PLCB1: variants seen among roughly 807,000 people sequenced by gnomAD.
PLCB1 encodes 1-phosphatidylinositol 4,5-bisphosphate phosphodiesterase beta-1.
PLCB1 carries 46 observed loss-of-function variants against 161.8 expected under a neutral mutation model. The ratio of observed to expected loss-of-function variants is 0.28; its 90% CI spans 0.22 to 0.36. The LOEUF (loss-of-function observed/expected upper bound fraction) is 0.36. Ranked by LOEUF, PLCB1 falls within the 10% of genes least tolerant of loss-of-function variation. The pLI is 1.00. For synonymous variants in PLCB1, 517 were observed against 503.7 expected, an observed-to-expected ratio of 1.03 and a Z score of -0.35; for missense variants, 1,016 against 1,472.5, an observed-to-expected ratio of 0.69 and a Z score of 5.07.
At chr20:8,622,694 T>C (rs1988218194) in intron 3 of PLCB1, among the ~76,000 whole-genome samples, 1 of 152,154 alleles carries the variant, frequency 6.6e-6, no homozygotes, top group South Asian at 2.1e-4. Flanking sequence ...CTTCCCTCCT[T>C]GTCTTACTTC....
chr20:8,724,189 A>AC (rs1568573991), intron 15 of PLCB1, among the ~76,000 whole-genome samples: 1 of 149,944 alleles, frequency 6.7e-6, no homozygotes, highest in Non-Finnish European at 1.5e-5. Flanking sequence ...AAAAAAAAAA[A>AC]CCTGCACGTG....
At chr20:8,867,253 A>G (rs1213088024) in intron 31 of PLCB1, among the ~76,000 whole-genome samples, 2 of 152,200 alleles carry the variant, frequency 1.3e-5, no homozygotes, top group African/African-American at 4.8e-5. Flanking sequence ...GGAGACTCTG[A>G]TCCAAGCTGA....
chr20:8,503,010 C>A (rs1983487821), intron 3 of PLCB1, among the ~76,000 whole-genome samples: 1 of 152,112 alleles, frequency 6.6e-6, no homozygotes, highest in South Asian at 2.1e-4. Flanking sequence ...AATATATGAT[C>A]CTTCCACTGA....
chr20:8,465,053 T>G (rs1267370103), intron 3 of PLCB1, among the ~76,000 whole-genome samples: 1 of 152,186 alleles, frequency 6.6e-6, no homozygotes, highest in East Asian at 1.9e-4. Context: ...CTGAAATGTG[T>G]TAGACATTCT....
At chr20:8,237,428 C>T (rs1312647459) in intron 2 of PLCB1, among the ~76,000 whole-genome samples, 2 of 151,932 alleles carry the variant, frequency 1.3e-5, no homozygotes, top group Non-Finnish European at 2.9e-5. Context: ...TGGACATGCA[C>T]GAAAGTAACA....
chr20:8,509,061 C>G (rs564113219), intron 3 of PLCB1, among the ~76,000 whole-genome samples: 19 of 152,282 alleles, frequency 1.2e-4, no homozygotes, highest in African/African-American at 2.6e-4. Flanking sequence ...CACATCACTT[C>G]CTAAACTGTC....
chr20:8,190,226 A>C (rs2051952762), intron 2 of PLCB1, among the ~76,000 whole-genome samples: 1 of 152,012 alleles, frequency 6.6e-6, no homozygotes, highest in Non-Finnish European at 1.5e-5. Flanking sequence ...ATACATTCCT[A>C]ATGCCCTTTT....
At chr20:8,743,328 T>C (rs1351664808) in intron 23 of PLCB1, among the ~76,000 whole-genome samples, 1 of 152,218 alleles carries the variant, frequency 6.6e-6, no homozygotes, top group East Asian at 1.9e-4. Flanking sequence ...GGTTTTTTTT[T>C]CCTTCATTCT....
intron 27 of PLCB1, among the ~76,000 whole-genome samples, chr20:8,781,766 A>G (rs923522864): frequency 1.2e-4 from 19 of 152,172 alleles, no homozygotes; most frequent in Non-Finnish European, 1.8e-4. Flanking sequence ...TCTGACGTGG[A>G]TGGCGGCAGG....
chr20:8,651,529 C>T (rs751519650), intron 7 of PLCB1: 7 of 716,314 alleles, frequency 9.8e-6, no homozygotes, highest in South Asian at 3.0e-5. Context: ...CTTGCTATTG[C>T]TTTTTTGTTA....
chr20:8,172,906 T>C (rs572285310), intron 2 of PLCB1, among the ~76,000 whole-genome samples: 240 of 152,310 alleles, frequency 1.6e-3, no homozygotes, highest in Non-Finnish European at 2.1e-3. Flanking sequence ...ACCAGCATTT[T>C]ACAACCTGTG....
intron 31 of PLCB1, among the ~76,000 whole-genome samples, chr20:8,793,505 G>A (rs1442978883): frequency 1.3e-5 from 2 of 151,670 alleles, no homozygotes; most frequent in Non-Finnish European, 2.9e-5. Flanking sequence ...AAGGCTGGGT[G>A]TCCGGGGGAG....
intron 3 of PLCB1, among the ~76,000 whole-genome samples, chr20:8,523,353 T>C (rs1189035257): frequency 1.3e-5 from 2 of 148,382 alleles, no homozygotes; most frequent in African/African-American, 5.0e-5. Context: ...GAGCAAAAAT[T>C]AGAGTCAAGA....
chr20:8,826,159 A>G (rs1310769117), intron 31 of PLCB1, among the ~76,000 whole-genome samples: 3 of 151,656 alleles, frequency 2.0e-5, no homozygotes, highest in Non-Finnish European at 4.4e-5. Flanking sequence ...TGTGAGTCAT[A>G]CATAAAATGG....
At chr20:8,139,112 A>G (rs1393186347) in intron 1 of PLCB1, among the ~76,000 whole-genome samples, 3 of 113,862 alleles carry the variant, frequency 2.6e-5, no homozygotes, top group Non-Finnish European at 5.0e-5. Flanking sequence ...TTTGAGACAG[A>G]GTCTTGCTCT....
intron 23 of PLCB1, among the ~76,000 whole-genome samples, chr20:8,743,993 G>A (rs185374016): frequency 1.4e-3 from 207 of 152,110 alleles, no homozygotes; most frequent in African/African-American, 4.7e-3. Flanking sequence ...TAAAGGTAAA[G>A]ATAATTTACA....
intron 2 of PLCB1, among the ~76,000 whole-genome samples, chr20:8,151,314 T>C (rs2051505935): frequency 6.6e-6 from 1 of 152,212 alleles, no homozygotes; most frequent in Non-Finnish European, 1.5e-5. Context: ...GTTTCTTATA[T>C]CCAAAGTTCC....
intron 4 of PLCB1, among the ~76,000 whole-genome samples, chr20:8,643,232 C>G (rs1469733085): frequency 6.6e-6 from 1 of 152,186 alleles, no homozygotes; most frequent in Non-Finnish European, 1.5e-5. Context: ...CATCCTTGAC[C>G]TGGCTGCCAG....
intron 4 of PLCB1, among the ~76,000 whole-genome samples, chr20:8,629,869 C>CTT (rs1245337092): frequency 1.0e-4 from 8 of 80,196 alleles, no homozygotes; most frequent in African/African-American, 3.3e-4. Flanking sequence ...TTCTTTCTTT[C>CTT]TTTCTTTCTC....
Sources: gnomAD v4.1 joint callset for allele counts (sites outside exome capture counted in the v4.1 genomes callset) on GRCh38, gnomAD v4.1.1 for gene constraint, MANE v1.5 for transcripts, NCBI Gene and HGNC (gene_info 2026-07-23, HGNC 2026-07-21) for gene names.